Variants in DUS3L observed in about 807,000 individuals in gnomAD.
The protein encoded by DUS3L is tRNA-dihydrouridine(47) synthase [NAD(P)(+)]-like.
Under a neutral mutation model 74.6 loss-of-function variants are expected in DUS3L, and 62 were observed. The ratio of observed to expected loss-of-function variants is 0.83; its 90% confidence interval spans 0.68 to 1.03. DUS3L has a LOEUF of 1.03. Ranked by LOEUF, DUS3L falls within the 50% of genes least tolerant of loss-of-function variation. DUS3L has a pLI of 0.00. For synonymous variants in DUS3L, 433 were observed against 395.7 expected, an observed-to-expected ratio of 1.09 and a Z score of -1.12; for missense variants, 884 against 924.4, an observed-to-expected ratio of 0.96 and a Z score of 0.57.
intron 5 of DUS3L, 98 bp downstream of exon 5, chr19:5,787,925 AG>A: frequency 6.5e-7 from 1 of 1,538,214 alleles, no homozygotes; most frequent in Non-Finnish European, 8.7e-7. Flanking sequence ...AGCTGAGGCC[AG>A]GGGGTCAGGG....
At position 5,785,477 on chromosome 19, in the gene DUS3L, GT is replaced by G; in HGVS notation, c.1785del (p.Gln596ArgfsTer19). The G allele has an allele frequency of 6.3e-7, 1 of 1,577,180 alleles. No homozygotes were observed. The highest frequency in any genetic ancestry group is 8.6e-7 in the Non-Finnish European group (1 of 1,161,546). On this transcript the variant is annotated frameshift_variant, in exon 12 of 13. Transcript: ENST00000309061. LOFTEE classifies it high-confidence loss of function. ...TAGGGCGGCCGCTCGTTGATCCTCT[GT>G]GGGAGCCGCTCCAGCAGCCCCACGG... The part of the protein sequence containing the change: ...YVPVGLLERL[P>X]QRINERPPYY...
At chr19:5,789,960 C>A in intron 2 of DUS3L, 87 bp downstream of exon 2, 1 of 1,555,286 alleles carries the variant, frequency 6.4e-7, no homozygotes, top group South Asian at 1.2e-5. Context: ...GCTGAAGGCC[C>A]AGGAGCTTTC....
At chr19:5,785,855 C>A in intron 10 of DUS3L, 64 bp from the exon 11 acceptor site, 1 of 1,474,540 alleles carries the variant, frequency 6.8e-7, no homozygotes, top group Non-Finnish European at 9.0e-7. Context: ...GTGGCCTCTG[C>A]TTCCATGGCC....
At position 5,785,199 on chromosome 19, in the gene DUS3L, G is replaced by A. The variant is rs1326048393; in HGVS notation, c.*4C>T. On this transcript the variant is annotated 3_prime_UTR_variant, in exon 13 of 13. Coordinates refer to ENST00000309061, the MANE Select transcript of DUS3L (RefSeq NM_020175.3). Reference sequence around the variant, plus strand: ...CCCCAGGGTGCCCCTGGGAAAGCCTGAGGCTACTTGTACGCGTTGGCCTTG... The same window carrying A: ...CCCCAGGGTGCCCCTGGGAAAGCCTAAGGCTACTTGTACGCGTTGGCCTTG... 6.2e-7 allele frequency: 1 copy of A among 1,603,658 alleles called. No homozygotes were observed. The highest frequency in any genetic ancestry group is 8.5e-7 in the Non-Finnish European group (1 of 1,175,764).
chr19:5,785,375 C>T lies in DUS3L; in HGVS notation c.1880+8G>A, dbSNP rs771877566. 1 of 1,601,352 alleles carries T rather than the reference C, an allele frequency of 6.2e-7. No homozygotes were observed. The highest frequency in any genetic ancestry group is 1.7e-5 in the Admixed American group (1 of 59,020). On this transcript the variant is annotated splice_region_variant and intron_variant, in intron 12 of 12. Coordinates refer to ENST00000309061, the MANE Select transcript of DUS3L (RefSeq NM_020175.3). ...CTGCAGCTCCCCAACTCCAGCCCAC[C>T]CAGGCACCTGATGCGGATCCAGTCG...
Position 5,789,704 on chromosome 19 carries a change from A to G in DUS3L, c.403T>C (p.Cys135Arg), listed in dbSNP as rs961077161. 2.4e-5 allele frequency: 39 copies of G among 1,606,410 alleles called. No individual in the cohort carries two copies. Among genetic ancestry groups the G allele is most frequent in the Non-Finnish European group, 3.3e-5 (39 of 1,177,476 alleles). The change falls in exon 3 of 13, where the codon TGT (cysteine) becomes CGT (arginine). Residue 135 changes from cysteine to arginine, a missense_variant. Physicochemically the swap from Cys to Arg is radical, Grantham distance 180. Coordinates refer to ENST00000309061, the MANE Select transcript of DUS3L (RefSeq NM_020175.3). ...AAGCGGCAGCGATCACCGAAGAAAC[A>G]CTTAGCAGCCGACTCCTGCGAGGAA... ...PSLIQESAAK[C>R]FFGDRCRFLH...
chr19:5,786,274 C>T (rs1206143308), intron 10 of DUS3L, among the ~76,000 whole-genome samples, 193 bp downstream of exon 10: 1 of 152,178 alleles, frequency 6.6e-6, no homozygotes, highest in Non-Finnish European at 1.5e-5. Flanking sequence ...AACCCACAAT[C>T]ATCAGATCCC....
intron 2 of DUS3L, 151 bp downstream of exon 2, chr19:5,789,896 G>C: frequency 2.3e-6 from 3 of 1,305,556 alleles, no homozygotes; most frequent in Non-Finnish European, 3.2e-6. Context: ...GCCCTACAAT[G>C]TATCCCGAGG....
rs902500715 is a variant in DUS3L, at chr19:5,788,149, A to C, written c.970T>G (p.Cys324Gly). The change falls in exon 5 of 13, where the codon TGC (cysteine) becomes GGC (glycine). Residue 324 changes from cysteine (C) to glycine (G), a missense_variant. By Grantham distance (159) the Cys-to-Gly change is radical (BLOSUM62 -3). Transcript: ENST00000309061. ...GTCACATCCGCCCCGAAGCGCTTGCAGATCCGTCGGAAGGGCAGGTTCCCA... is the reference window on the plus strand; with the variant it reads ...GTCACATCCGCCCCGAAGCGCTTGCCGATCCGTCGGAAGGGCAGGTTCCCA... ...TCGNLPFRRI[C>G]KRFGADVTCG... The C allele has an allele frequency of 5.0e-6, 8 of 1,613,576 alleles. No homozygotes were observed. The highest frequency in any genetic ancestry group is 5.9e-6 in the Non-Finnish European group (7 of 1,180,018).
rs527610158 is a variant in DUS3L, at chr19:5,788,443, C to T, written c.901-45G>A. On this transcript the variant is annotated intron_variant, in intron 3 of 12. Transcript: ENST00000309061. ...CACAAGTGGAGCTTGGCCTCCACCC[C>T]AGCTGCTGAGGCCCTGGAGCCTCCC... 1.9e-6 allele frequency: 3 copies of T among 1,590,738 alleles called. No individual in the cohort carries two copies. In the African/African-American group the frequency reaches 4.0e-5, roughly 21 times the overall value.
Position 5,787,144 on chromosome 19 carries a change from T to C in DUS3L, c.1306A>G (p.Ile436Val). 1.0e-6 allele frequency: 1 copy of C among 964,818 alleles called. No individual in the cohort carries two copies. The highest frequency in any genetic ancestry group is 1.2e-6 in the Non-Finnish European group (1 of 824,940). 59.8% of individuals were successfully genotyped at this position (964,818 alleles called of 1,614,324 possible). A position where few individuals can be genotyped will look rare whatever the true frequency, so the allele number is the denominator to read the frequency against. Residue 436 changes from isoleucine (I) to valine (V), a missense_variant, in exon 8 of 13, where the codon ATC (isoleucine) becomes GTC (valine). Transcript: ENST00000309061. ...ACACGCTCCTGGACGCCTGTGCGGA[T>C]CTTCACAGTCAGCGGCACATCCAGC... ...QVLDVPLTVK[I>V]RTGVQERVNL...
At position 5,788,705 on chromosome 19, in the gene DUS3L, CTTTTTTT is replaced by C. The variant is rs942516959; in HGVS notation, c.901-314_901-308del. 2.1e-4 allele frequency among the ~76,000 whole-genome samples: 27 copies of C among 127,700 alleles called. No individual in the cohort carries two copies. In the East Asian group the frequency reaches 3.8e-3, roughly 18 times the overall value. 83.8% of individuals were successfully genotyped at this position (127,700 alleles called of 152,430 possible). Reference sequence around the variant, plus strand: ...TCTGAGACTTAGAGTGTGTCCAGCTCTTTTTTTTTTTTTTTTTTTGAGATAGAGTCTT... The same window carrying C: ...TCTGAGACTTAGAGTGTGTCCAGCTCTTTTTTTTTTTTGAGATAGAGTCTT... On this transcript the variant is annotated intron_variant, in intron 3 of 12. Transcript: ENST00000309061.
At chr19:5,787,428 G>A (rs1276910312) in intron 6 of DUS3L, 67 bp from the exon 7 acceptor site, 1 of 1,566,252 alleles carries the variant, frequency 6.4e-7, no homozygotes, top group East Asian at 2.2e-5. Context: ...CACCCCTGCT[G>A]CCCGGAGGCC....
chr19:5,790,981 C>G (rs2056904753), intron 1 of DUS3L, 63 bp downstream of exon 1: 7 of 1,497,446 alleles, frequency 4.7e-6, no homozygotes, highest in Admixed American at 2.0e-5. Context: ...GCATGCACAG[C>G]TCGGACCGCG....
rs781322586 is a variant in DUS3L, at chr19:5,789,431, C to G, written c.676G>C (p.Glu226Gln). The change falls in exon 3 of 13, where the codon GAG (glutamate) becomes CAG (glutamine). Residue 226 changes from glutamate (E) to glutamine (Q), a missense_variant. Physicochemically the swap from Glu to Gln is conservative, Grantham distance 29. Transcript: ENST00000309061. The part of the protein sequence containing the change: ...QQLRKREVRF[E>Q]RAEQALRRFS... ...CGGCGCAGGGCCTGCTCAGCTCGCTCGAAGCGGACCTCGCGCTTCCGCAGC... is the reference window on the plus strand; with the variant it reads ...CGGCGCAGGGCCTGCTCAGCTCGCTGGAAGCGGACCTCGCGCTTCCGCAGC... 7.5e-6 allele frequency: 12 copies of G among 1,598,046 alleles called. No homozygotes were observed. The highest frequency in any genetic ancestry group is 3.3e-5 in the South Asian group (3 of 90,218).
Position 5,787,164 on chromosome 19 carries a change from T to C in DUS3L, c.1286A>G (p.Asp429Gly). ...QIVRGMNQVL[D>G]VPLTVKIRTG... ...GCGGATCTTCACAGTCAGCGGCACA[T>C]CCAGCACCTACAGGACGGTGGTGGG... is the stretch of plus-strand genomic sequence containing the variant. Residue 429 changes from aspartate to glycine, a missense_variant, in exon 8 of 13, where the codon GAT (aspartate) becomes GGT (glycine). Physicochemically the swap from Asp to Gly is moderately conservative, Grantham distance 94. Transcript: ENST00000309061. 1 of 720,502 alleles carries C rather than the reference T, an allele frequency of 1.4e-6. No homozygotes were observed. The highest frequency in any genetic ancestry group is 1.6e-6 in the Non-Finnish European group (1 of 640,708). The allele number at this position is 720,502 out of a possible 1,614,324, so 44.6% of individuals were successfully genotyped here. A position where few individuals can be genotyped will look rare whatever the true frequency, so the allele number is the denominator to read the frequency against.
At chr19:5,785,856 T>G in intron 10 of DUS3L, 65 bp from the exon 11 acceptor site, 1 of 1,473,978 alleles carries the variant, frequency 6.8e-7, no homozygotes. Context: ...TGGCCTCTGC[T>G]TCCATGGCCT....
chr19:5,785,148 G>C lies in DUS3L; in HGVS notation c.*55C>G. 1.9e-6 allele frequency: 3 copies of C among 1,541,392 alleles called. No homozygotes were observed. Among genetic ancestry groups the C allele is most frequent in the Non-Finnish European group, 2.6e-6 (3 of 1,138,840 alleles). On this transcript the variant is annotated 3_prime_UTR_variant, in exon 13 of 13. Coordinates refer to ENST00000309061, the MANE Select transcript of DUS3L (RefSeq NM_020175.3). ...TCACAGAAAGGCCTGGATTTTAAAAGAATAAAATTTATTGTACTCTCCTCG... is the reference window on the plus strand; with the variant it reads ...TCACAGAAAGGCCTGGATTTTAAAACAATAAAATTTATTGTACTCTCCTCG...
Position 5,789,456 on chromosome 19 carries a change from C to A in DUS3L, c.651G>T (p.Gln217His). ...CGAAGCGGACCTCGCGCTTCCGCAG[C>A]TGCTGCTGCAGGGCTTTGTCCAGGC... ...RNGLDKALQQ[Q>H]LRKREVRFER... Residue 217 changes from glutamine to histidine, a missense_variant, in exon 3 of 13, where the codon CAG becomes CAT. Gln to His is a conservative substitution (Grantham distance 24, BLOSUM62 0). Coordinates refer to ENST00000309061, the MANE Select transcript of DUS3L (RefSeq NM_020175.3). 6.2e-7 allele frequency: 1 copy of A among 1,602,156 alleles called. No homozygotes were observed. The highest frequency in any genetic ancestry group is 8.5e-7 in the Non-Finnish European group (1 of 1,178,732).
Sources: allele counts gnomAD v4.1 joint callset (sites outside exome capture counted in the v4.1 genomes callset), GRCh38; gene constraint gnomAD v4.1.1; transcripts MANE v1.5; gene names NCBI Gene and HGNC (gene_info 2026-07-23, HGNC 2026-07-21).